The following CPD variants were observed in gnomAD, a reference collection of about 807,000 sequenced individuals.
CPD encodes the protein metallocarboxypeptidase D.
A neutral mutation model predicts 138.3 loss-of-function variants in CPD; 69 were observed. The ratio of observed to expected loss-of-function variants is 0.50; its 90% CI spans 0.41 to 0.61. CPD has a LOEUF of 0.61. CPD is among the 20% of genes least tolerant of loss of function. The pLI, the probability that CPD is intolerant of heterozygous loss-of-function variation, is 0.00. For missense variants in CPD, 1,432 were observed against 1,733.3 expected, an observed-to-expected ratio of 0.83 and a Z score of 3.09; for synonymous variants, 651 against 642.1, an observed-to-expected ratio of 1.01 and a Z score of -0.21.
intron 2 of CPD, among the ~76,000 whole-genome samples, chr17:30,410,116 C>T (rs1911922227): frequency 6.6e-6 from 1 of 152,144 alleles, no homozygotes; most frequent in Admixed American, 6.5e-5. Flanking sequence ...CGTTATTTAT[C>T]CAGTAGTCAT....
At chr17:30,429,291 T>A (rs998782805) in intron 7 of CPD, among the ~76,000 whole-genome samples, 1 of 152,232 alleles carries the variant, frequency 6.6e-6, no homozygotes, top group Non-Finnish European at 1.5e-5. Flanking sequence ...ACACATCATG[T>A]TGGCTAAATC....
intron 2 of CPD, among the ~76,000 whole-genome samples, chr17:30,393,730 G>A (rs1241709143): frequency 2.0e-5 from 3 of 152,202 alleles, no homozygotes; most frequent in African/African-American, 7.2e-5. Flanking sequence ...ACTAATTTGA[G>A]GTGTGGATGA....
chr17:30,444,915 T>C lies in CPD; in HGVS notation c.2544-776T>C, dbSNP rs142327136. 5.5e-4 allele frequency among the ~76,000 whole-genome samples: 84 copies of C among 152,186 alleles called. No individual in the cohort carries two copies. The Middle Eastern group carries it at 0.01, about 18-fold the overall frequency. On this transcript the variant is annotated intron_variant, in intron 11 of 20. Coordinates refer to ENST00000225719, the MANE Select transcript of CPD (RefSeq NM_001304.5). The stretch of plus-strand genomic sequence containing the variant: ...AGATATCTAGTGGTCCGTAAATGAA[T>C]GGGTTAGAACCTCACACTAATGAGT...
chr17:30,380,551 G>A, intron 1 of CPD: 5 of 1,476,758 alleles, frequency 3.4e-6, no homozygotes, highest in East Asian at 2.5e-5. Flanking sequence ...GTGTTATTAA[G>A]CATTGCATGA....
Position 30,379,292 on chromosome 17 carries a change from G to C in CPD, c.312G>C (p.Gly104=). Residue 104 remains glycine, a synonymous_variant, in exon 1 of 21, where the codon GGG becomes GGC. Transcript: ENST00000225719. The surrounding 1 kb of genome is among the most constrained non-coding windows in gnomAD (Gnocchi z 7.0). ...LWVLRLTAGL[G]SLIPEGDAGP... is the part of the protein sequence containing the mutation. ...TGCTTCGCCTCACCGCCGGCCTGGG[G>C]TCGCTAATCCCTGAGGGCGACGCGG... 1 of 1,508,576 alleles carries C rather than the reference G, an allele frequency of 6.6e-7. No individual in the cohort carries two copies. The highest frequency in any genetic ancestry group is 8.8e-7 in the Non-Finnish European group (1 of 1,135,300). The allele number at this position is 1,508,576 out of a possible 1,614,324, so 93.4% of individuals were successfully genotyped here.
intron 2 of CPD, among the ~76,000 whole-genome samples, chr17:30,417,850 G>A (rs117993307): frequency 1.7e-4 from 26 of 152,100 alleles, no homozygotes; most frequent in Middle Eastern, 3.4e-3. Context: ...GGAAAGCCAC[G>A]GAAAACTTTA....
intron 2 of CPD, among the ~76,000 whole-genome samples, chr17:30,405,038 A>G (rs1428886032): frequency 6.6e-6 from 1 of 152,178 alleles, no homozygotes; most frequent in Non-Finnish European, 1.5e-5. Flanking sequence ...ACCAAAAAGT[A>G]TCTGTCTCTA....
rs143462978 is a variant in CPD, at chr17:30,418,867, C to T, written c.995-1974C>T. Among the ~76,000 whole-genome samples, 466 of 152,252 alleles carry T rather than the reference C, an allele frequency of 3.1e-3. 2 individuals carry two copies. Among genetic ancestry groups the T allele is most frequent in the Middle Eastern group, 0.01 (3 of 294 alleles). Reference sequence around the variant, plus strand: ...TTCAGGATTGTGTTCAGTTTTCTTCCTTGTACTTATTCAAAATGGCATTGG... The same window carrying T: ...TTCAGGATTGTGTTCAGTTTTCTTCTTTGTACTTATTCAAAATGGCATTGG... On this transcript the variant is annotated intron_variant, in intron 2 of 20. Coordinates refer to ENST00000225719, the MANE Select transcript of CPD (RefSeq NM_001304.5).
intron 2 of CPD, among the ~76,000 whole-genome samples, chr17:30,402,678 G>A (rs376626055): frequency 1.3e-5 from 2 of 152,196 alleles, no homozygotes; most frequent in Non-Finnish European, 2.9e-5. Context: ...TGGAGTTGGT[G>A]TCTGTTGACT....
At position 30,455,322 on chromosome 17, in the gene CPD, A is replaced by G; in HGVS notation, c.3206-17A>G. ...TTTAAAATTTGATATTTTATATTTG[A>G]CTTTTCTCTTTTTTAGATAATGCCT... is the stretch of plus-strand genomic sequence containing the variant. On this transcript the variant is annotated splice_polypyrimidine_tract_variant and intron_variant, in intron 14 of 20. Transcript: ENST00000225719. 6.3e-7 allele frequency: 1 copy of G among 1,584,070 alleles called. No homozygotes were observed. The highest frequency in any genetic ancestry group is 1.4e-5 in the African/African-American group (1 of 73,186).
chr17:30,408,836 A>G (rs1911878495), intron 2 of CPD, among the ~76,000 whole-genome samples: 1 of 152,140 alleles, frequency 6.6e-6, no homozygotes, highest in South Asian at 2.1e-4. Context: ...CAGAACTTCC[A>G]ACACTATGTT....
chr17:30,421,017 A>G, intron 3 of CPD, 34 bp downstream of exon 3: 1 of 1,603,914 alleles, frequency 6.2e-7, no homozygotes, highest in Admixed American at 1.7e-5. Flanking sequence ...TGGGGTATAG[A>G]AACAGGATTA....
chr17:30,382,365 A>G (rs1277861160), intron 1 of CPD, among the ~76,000 whole-genome samples: 1 of 152,204 alleles, frequency 6.6e-6, no homozygotes, highest in African/African-American at 2.4e-5. Context: ...AATCTTATGC[A>G]AGGAATGATA....
chr17:30,446,229 GGTTT>G (rs1567881220), intron 12 of CPD, among the ~76,000 whole-genome samples: 1 of 151,796 alleles, frequency 6.6e-6, no homozygotes, highest in Non-Finnish European at 1.5e-5. Flanking sequence ...ACAACGTGCA[GGTTT>G]GTTACATATG....
chr17:30,441,794 G>C (rs1485270705), intron 9 of CPD, among the ~76,000 whole-genome samples: 2 of 145,688 alleles, frequency 1.4e-5, no homozygotes, highest in Non-Finnish European at 3.0e-5. Flanking sequence ...TTTTTGATGT[G>C]CTGCTGGATT....
chr17:30,435,709 C>T (rs1418314979), intron 8 of CPD, among the ~76,000 whole-genome samples: 1 of 152,154 alleles, frequency 6.6e-6, no homozygotes, highest in African/African-American at 2.4e-5. Flanking sequence ...CCTAGTTCTG[C>T]TGTAACAAAA....
At chr17:30,382,245 A>G (rs1342869049) in intron 1 of CPD, among the ~76,000 whole-genome samples, 1 of 152,158 alleles carries the variant, frequency 6.6e-6, no homozygotes, top group Non-Finnish European at 1.5e-5. Context: ...ATTTTTTTCA[A>G]GTTATCTACA....
At chr17:30,387,951 C>T (rs1489227381) in intron 2 of CPD, among the ~76,000 whole-genome samples, 1 of 152,116 alleles carries the variant, frequency 6.6e-6, no homozygotes, top group Non-Finnish European at 1.5e-5. Context: ...TCAGAGGAGA[C>T]CGGCAGTGGG....
chr17:30,444,768 A>G (rs1389706144), intron 11 of CPD, among the ~76,000 whole-genome samples: 2 of 152,162 alleles, frequency 1.3e-5, no homozygotes, highest in Non-Finnish European at 1.5e-5. Context: ...ATGTTACCAC[A>G]GGATATTTTC....
Sources: gnomAD v4.1 joint callset for allele counts (sites outside exome capture counted in the v4.1 genomes callset) on GRCh38, gnomAD v4.1.1 for gene constraint, Gnocchi (gnomAD v3.1) non-coding constraint, MANE v1.5 for transcripts, NCBI Gene and HGNC (gene_info 2026-07-23, HGNC 2026-07-21) for gene names.